LCT: variants seen among roughly 807,000 people sequenced by gnomAD.
The protein encoded by LCT is lactase/phlorizin hydrolase.
In LCT, 90 loss-of-function variants were observed where a neutral mutation model predicts 173.0. The observed-to-expected ratio is 0.52, with a 90% confidence interval of 0.44 to 0.62. The LOEUF (loss-of-function observed/expected upper bound fraction) is 0.62, where lower values mean the gene tolerates loss of function less well. Among genes scored for constraint, LCT ranks in the 20% least tolerant of loss-of-function variants. LCT has a pLI of 0.00. For missense variants in LCT, 1,864 were observed against 2,431.4 expected (o/e 0.77, Z 4.91); for synonymous variants, 853 against 957.6 (o/e 0.89, Z 2.02).
chr2:135,789,709 C>T lies in LCT; in HGVS notation c.5425G>A (p.Gly1809Ser). 1 of 1,614,160 alleles carries T rather than the reference C, an allele frequency of 6.2e-7. No homozygotes were observed. The highest frequency in any genetic ancestry group is 2.2e-5 in the East Asian group (1 of 44,890). The part of the protein sequence containing the change: ...EWATGFSERF[G>S]LHFVNYSDPS... ...TCACTGTAGTTCACAAAATGCAGAC[C>T]AAATCTCTCTGAAAAGCCTGTGGCC... Residue 1809 changes from glycine (G) to serine (S), a missense_variant, in exon 16 of 17, where the codon GGT (glycine) becomes AGT (serine). Physicochemically the swap from Gly to Ser is moderately conservative, Grantham distance 56. This residue lies in a region of LCT where 514 missense variants were observed against 750.1 expected (regional missense o/e 0.69). Coordinates refer to ENST00000264162, the MANE Select transcript of LCT (RefSeq NM_002299.4).
Position 135,804,027 on chromosome 2 carries a change from G to A in LCT, c.4566C>T (p.Leu1522=), listed in dbSNP as rs1353802585. The A allele has an allele frequency of 1.9e-6, 3 of 1,613,972 alleles. No individual in the cohort carries two copies. The highest frequency in any genetic ancestry group is 2.5e-6 in the Non-Finnish European group (3 of 1,179,940). Reference sequence around the variant, plus strand: ...TCACCTTGTCTCCCAGCCTCTGGAAGAGCACATCTGCATACTCCTTAAACC... The same window carrying A: ...TCACCTTGTCTCCCAGCCTCTGGAAAAGCACATCTGCATACTCCTTAAACC... ...VQRFKEYADV[L]FQRLGDKVKF... is the part of the protein sequence containing the mutation. Residue 1522 remains leucine, a synonymous_variant, in exon 11 of 17, where the codon CTC becomes CTT. Transcript: ENST00000264162.
chr2:135,804,416 T>G (rs1410065321), intron 10 of LCT, among the ~76,000 whole-genome samples: 92 of 152,174 alleles, frequency 6.0e-4, no homozygotes, highest in Admixed American at 6.0e-3. Context: ...GCACGGTGGC[T>G]CATACCTATA....
intron 6 of LCT, 81 bp from the exon 7 acceptor site, chr2:135,813,037 T>C: frequency 8.1e-7 from 1 of 1,241,616 alleles, no homozygotes; most frequent in Non-Finnish European, 1.2e-6. Flanking sequence ...CAATAACAAG[T>C]CAACAACAAT....
chr2:135,834,808 A>AAAAAAAAAAAAAAG lies in LCT; in HGVS notation c.641-1619_641-1618insCTTTTTTTTTTTTT, dbSNP rs1222170749. On this transcript the variant is annotated intron_variant, in intron 1 of 16. Transcript: ENST00000264162. ...ATCTCAAAAAAAAAAAAAAAAAAAA[A>AAAAAAAAAAAAAAG]AAGAAGAAGAAAAAAATGTTTAACG... 7.2e-5 allele frequency among the ~76,000 whole-genome samples: 10 copies of AAAAAAAAAAAAAAG among 138,338 alleles called. No homozygotes were observed. The South Asian group carries it at 8.3e-4, about 11-fold the overall frequency. 90.8% of individuals were successfully genotyped at this position (138,338 alleles called of 152,430 possible).
At chr2:135,820,944 G>C (rs374290059) in intron 5 of LCT, among the ~76,000 whole-genome samples, 2 of 151,402 alleles carry the variant, frequency 1.3e-5, no homozygotes, top group Non-Finnish European at 2.9e-5. Flanking sequence ...GCAATGGCGC[G>C]ATCTCAGCTC....
intron 2 of LCT, among the ~76,000 whole-genome samples, chr2:135,831,665 C>G (rs1194541863): frequency 6.6e-6 from 1 of 152,204 alleles, no homozygotes; most frequent in African/African-American, 2.4e-5. Context: ...TGCAATCAGC[C>G]TGGGAGTTGT....
chr2:135,795,758 A>G (rs2105521546), intron 13 of LCT, among the ~76,000 whole-genome samples: 1 of 150,316 alleles, frequency 6.7e-6, no homozygotes, highest in African/African-American at 2.4e-5. Context: ...TTTTTTTCCC[A>G]GACAGGGTCT....
In LCT at chr2:135,833,225, C is replaced by T. The variant is rs3754688; in HGVS notation, c.641-35G>A. The T allele has an allele frequency of 7.5e-3, 11,273 of 1,509,096 alleles. 701 individuals carry two copies. The East Asian group carries it at 0.17, about 22-fold the overall frequency. 93.5% of individuals were successfully genotyped at this position (1,509,096 alleles called of 1,614,324 possible). On this transcript the variant is annotated intron_variant, in intron 1 of 16. Transcript: ENST00000264162. The stretch of plus-strand genomic sequence containing the variant: ...ACCAGAGACACGAACAGCAGGTGAG[C>T]GAGGGCAGGAGGCTCTGACTGTGGA...
At chr2:135,828,034 T>C (rs2077901365) in intron 3 of LCT, among the ~76,000 whole-genome samples, 1 of 152,072 alleles carries the variant, frequency 6.6e-6, no homozygotes, top group Non-Finnish European at 1.5e-5. Flanking sequence ...TTATTTTTAT[T>C]TTTATTTTTG....
intron 6 of LCT, among the ~76,000 whole-genome samples, chr2:135,813,716 T>C (rs2077754358): frequency 6.6e-6 from 1 of 152,258 alleles, no homozygotes; most frequent in South Asian, 2.1e-4. Context: ...TCTGCCTCTG[T>C]CCTTAATAAG....
At position 135,819,480 on chromosome 2, in the gene LCT, G is replaced by A. The variant is rs1239227443; in HGVS notation, c.987-1419C>T. 2.0e-5 allele frequency among the ~76,000 whole-genome samples: 3 copies of A among 152,264 alleles called. No homozygotes were observed. The East Asian group carries it at 5.8e-4, about 30-fold the overall frequency. On this transcript the variant is annotated intron_variant, in intron 5 of 16. Coordinates refer to ENST00000264162, the MANE Select transcript of LCT (RefSeq NM_002299.4). Reference sequence around the variant, plus strand: ...AGCATCTCCCTGTCACACAGCCATCGTGTGGAGAGCCGATGGCACCTATAC... The same window carrying A: ...AGCATCTCCCTGTCACACAGCCATCATGTGGAGAGCCGATGGCACCTATAC...
chr2:135,826,367 G>C (rs1558744638), intron 3 of LCT, among the ~76,000 whole-genome samples: 1 of 144,946 alleles, frequency 6.9e-6, no homozygotes, highest in Non-Finnish European at 1.5e-5. Flanking sequence ...GACCAGCCTA[G>C]CCAACATGGT....
intron 4 of LCT, among the ~76,000 whole-genome samples, chr2:135,823,285 C>A (rs1453274552): frequency 6.6e-6 from 1 of 152,170 alleles, no homozygotes; most frequent in Non-Finnish European, 1.5e-5. Context: ...CCAGTGACTG[C>A]CAGCCTCAAT....
At chr2:135,794,412 C>A in intron 14 of LCT, 2 of 533,956 alleles carry the variant, frequency 3.7e-6, no homozygotes, top group South Asian at 2.9e-5. Context: ...AAACAAAAAG[C>A]CAAGCACATG....
In LCT at chr2:135,809,689, C is replaced by T. The variant is rs769460318; in HGVS notation, c.2658G>A (p.Lys886=). ...VPSKAKVVWE[K]FSSQPKFERD... The stretch of plus-strand genomic sequence containing the variant: ...TTTCGAACTTGGGTTGGCTGGAGAA[C>T]TTTTCCCAAACGACTTTAGCCTTGG... Residue 886 remains lysine, a synonymous_variant, in exon 8 of 17, where the codon AAG becomes AAA. Coordinates refer to ENST00000264162, the MANE Select transcript of LCT (RefSeq NM_002299.4). This position sits in a 1 kb window ranked among gnomAD's most constrained non-coding sequence, Gnocchi z 5.5. 6.2e-7 allele frequency: 1 copy of T among 1,614,252 alleles called. No individual in the cohort carries two copies. Among genetic ancestry groups the T allele is most frequent in the Non-Finnish European group, 8.5e-7 (1 of 1,180,044 alleles).
chr2:135,804,409 C>T (rs550519005), intron 10 of LCT, among the ~76,000 whole-genome samples: 4 of 152,162 alleles, frequency 2.6e-5, no homozygotes, highest in Admixed American at 6.5e-5. Flanking sequence ...AGGTCGAGCA[C>T]GGTGGCTCAT....
intron 13 of LCT, among the ~76,000 whole-genome samples, chr2:135,796,968 CA>C (rs1432173577): frequency 8.3e-6 from 1 of 120,694 alleles, no homozygotes; most frequent in Admixed American, 9.5e-5. Flanking sequence ...TTTTTTGAGA[CA>C]AAGAGTCTTG....
chr2:135,829,743 G>C, intron 2 of LCT, 67 bp from the exon 3 acceptor site: 3 of 1,101,532 alleles, frequency 2.7e-6, no homozygotes, highest in Non-Finnish European at 4.2e-6. Context: ...CCTCTCAGAA[G>C]TACGCTTTTT....
intron 1 of LCT, among the ~76,000 whole-genome samples, chr2:135,835,272 G>C (rs2077976589): frequency 6.6e-6 from 1 of 151,570 alleles, no homozygotes; most frequent in Non-Finnish European, 1.5e-5. Flanking sequence ...TACTATTCCA[G>C]CACTGGAGTA....
Sources: allele counts gnomAD v4.1 joint callset (sites outside exome capture counted in the v4.1 genomes callset), GRCh38; gene constraint gnomAD v4.1.1; regional missense constraint gnomAD v4.1.1; non-coding constraint Gnocchi (gnomAD v3.1); transcripts MANE v1.5; gene names NCBI Gene and HGNC (gene_info 2026-07-23, HGNC 2026-07-21).